The following NALCN variants were observed in gnomAD, a reference collection of about 807,000 sequenced individuals.
NALCN encodes the protein sodium leak channel, non-selective.
A neutral mutation model predicts 225.3 loss-of-function variants in NALCN; 111 were observed. That is an observed-to-expected ratio of 0.49 (90% CI 0.42 to 0.58). The LOEUF (loss-of-function observed/expected upper bound fraction) is 0.58, where lower values mean the gene tolerates loss of function less well. Among genes scored for constraint, NALCN ranks in the 20% least tolerant of loss-of-function variants. The pLI, the probability that NALCN is intolerant of heterozygous loss-of-function variation, is 0.00. For missense variants in NALCN, 1,378 were observed against 2,202.4 expected (o/e 0.63, Z 7.49); for synonymous variants, 764 against 769.0 (o/e 0.99, Z 0.11).
At chr13:101,163,180 G>C (rs978326341) in intron 15 of NALCN, among the ~76,000 whole-genome samples, 5 of 151,952 alleles carry the variant, frequency 3.3e-5, no homozygotes, top group Non-Finnish European at 7.4e-5. Context: ...TGGGATTACA[G>C]GTGTGAGTCA....
chr13:101,407,639 C>T (rs572306227), intron 1 of NALCN, among the ~76,000 whole-genome samples: 1 of 152,196 alleles, frequency 6.6e-6, no homozygotes, highest in South Asian at 2.1e-4. Context: ...AGTATTATTC[C>T]CACTACAGAG....
intron 15 of NALCN, among the ~76,000 whole-genome samples, chr13:101,155,301 G>A (rs140537489): frequency 1.5e-4 from 23 of 152,226 alleles, no homozygotes; most frequent in African/African-American, 4.3e-4. Context: ...AATGACTTTC[G>A]TCTGATCCAG....
chr13:101,364,308 C>T (rs565458742), intron 6 of NALCN, among the ~76,000 whole-genome samples: 14 of 152,142 alleles, frequency 9.2e-5, no homozygotes, highest in Admixed American at 6.6e-4. Context: ...TAGCCAAATA[C>T]GGAATCAACC....
chr13:101,065,628 G>T, intron 39 of NALCN, 67 bp from the exon 40 acceptor site: 1 of 1,204,990 alleles, frequency 8.3e-7, no homozygotes, highest in Non-Finnish European at 1.1e-6. Context: ...TTTCTCAAAA[G>T]AAAAAAAAAA....
intron 1 of NALCN, among the ~76,000 whole-genome samples, chr13:101,406,106 G>A (rs1290651629): frequency 6.7e-6 from 1 of 150,096 alleles, no homozygotes; most frequent in East Asian, 2.0e-4. Flanking sequence ...CTTGAGTCCA[G>A]GAGTTCGAGA....
In NALCN at chr13:101,062,097, C is replaced by T. The variant is rs1027199527; in HGVS notation, c.4626G>A (p.Val1542=). 1 of 1,614,098 alleles carries T rather than the reference C, an allele frequency of 6.2e-7. No individual in the cohort carries two copies. Among genetic ancestry groups the T allele is most frequent in the Admixed American group, 1.7e-5 (1 of 60,012 alleles). The part of the protein sequence containing the change: ...DVLSMLSYRS[V]DIRKSLQLEE... ...CCAGCTGCAAGCTCTTCCGGATGTC[C>T]ACGGACCGGTATGAAAGCATGCTGG... The change falls in exon 41 of 44, where the codon GTG becomes GTA. Residue 1542 remains valine (V), a synonymous_variant. Coordinates refer to ENST00000251127, the MANE Select transcript of NALCN (RefSeq NM_052867.4).
In NALCN at chr13:101,176,383, T is replaced by A. The variant is rs1404314115; in HGVS notation, c.1765-9A>T. ...AACAAACTCAGGAGGATCTATAAAA[T>A]GGTGAAATAACAATGAAAAAACCCA... is the stretch of plus-strand genomic sequence containing the variant. On this transcript the variant is annotated splice_polypyrimidine_tract_variant and intron_variant, in intron 14 of 43. Coordinates refer to ENST00000251127, the MANE Select transcript of NALCN (RefSeq NM_052867.4). 1.3e-6 allele frequency: 2 copies of A among 1,585,676 alleles called. No homozygotes were observed.
At chr13:101,112,427 A>T (rs947432566) in intron 18 of NALCN, among the ~76,000 whole-genome samples, 2 of 152,216 alleles carry the variant, frequency 1.3e-5, no homozygotes, top group African/African-American at 4.8e-5. Flanking sequence ...AGAAAAAAAA[A>T]TTATTCTCCA....
At chr13:101,379,893 C>T (rs2046801622) in intron 3 of NALCN, among the ~76,000 whole-genome samples, 1 of 152,072 alleles carries the variant, frequency 6.6e-6, no homozygotes, top group Non-Finnish European at 1.5e-5. Context: ...GCACTTTACA[C>T]AGGAACACCC....
intron 13 of NALCN, among the ~76,000 whole-genome samples, chr13:101,223,638 T>C (rs2041030916): frequency 6.6e-6 from 1 of 152,052 alleles, no homozygotes; most frequent in Non-Finnish European, 1.5e-5. Context: ...GTTGAAAAAA[T>C]GAATGGCATT....
At chr13:101,254,187 A>G (rs1382778727) in intron 11 of NALCN, among the ~76,000 whole-genome samples, 1 of 151,968 alleles carries the variant, frequency 6.6e-6, no homozygotes, top group Non-Finnish European at 1.5e-5. Flanking sequence ...GTTTGAGACC[A>G]GCCTGGCTAA....
rs75748673 is a variant in NALCN, at chr13:101,072,482, T to G, written c.4197+1102A>C. Among the ~76,000 whole-genome samples, 331 of 152,368 alleles carry G rather than the reference T, an allele frequency of 2.2e-3. 8 individuals are homozygous for G. The South Asian group carries it at 0.037, about 17-fold the overall frequency. On this transcript the variant is annotated intron_variant, in intron 37 of 43. Coordinates refer to ENST00000251127, the MANE Select transcript of NALCN (RefSeq NM_052867.4). The stretch of plus-strand genomic sequence containing the variant: ...AAAATGCCGACACCTCTGAGAGAAC[T>G]TTCTGGTTTTTCTCAGCCAGATAAA...
intron 3 of NALCN, among the ~76,000 whole-genome samples, chr13:101,379,336 T>C (rs1048820767): frequency 2.0e-5 from 3 of 152,142 alleles, no homozygotes; most frequent in Admixed American, 6.5e-5. Context: ...GAACCAGAAA[T>C]ACCATTTGAC....
At chr13:101,386,591 A>T (rs928623658) in intron 3 of NALCN, among the ~76,000 whole-genome samples, 10 of 151,848 alleles carry the variant, frequency 6.6e-5, no homozygotes, top group African/African-American at 2.4e-4. Context: ...CATATTTTAT[A>T]TTTATATTTA....
chr13:101,061,910 C>A lies in NALCN; in HGVS notation c.4755+58G>T, dbSNP rs190338308. On this transcript the variant is annotated intron_variant, in intron 41 of 43. Transcript: ENST00000251127. The stretch of plus-strand genomic sequence containing the variant: ...CACGAAGCTCTTTTCTTTCATCCTC[C>A]TGCGGGGCAGGGCGGGGCGGGGCGG... 4.0e-6 allele frequency: 6 copies of A among 1,497,554 alleles called. No homozygotes were observed. The African/African-American group carries it at 8.4e-5, about 21-fold the overall frequency. The allele number at this position is 1,497,554 out of a possible 1,614,324, so 92.8% of individuals were successfully genotyped here.
At chr13:101,350,002 C>T (rs1216493906) in intron 6 of NALCN, among the ~76,000 whole-genome samples, 2 of 152,158 alleles carry the variant, frequency 1.3e-5, no homozygotes. Flanking sequence ...CATAAGTAAT[C>T]GTCACGTTCT....
intron 13 of NALCN, among the ~76,000 whole-genome samples, chr13:101,222,098 A>C (rs529276786): frequency 1.3e-5 from 2 of 152,244 alleles, no homozygotes; most frequent in South Asian, 4.2e-4. Flanking sequence ...CCCTTGGACT[A>C]TTAGCCCAAC....
chr13:101,361,812 T>G (rs1416456492), intron 6 of NALCN, among the ~76,000 whole-genome samples: 1 of 152,164 alleles, frequency 6.6e-6, no homozygotes, highest in African/African-American at 2.4e-5. Flanking sequence ...ATCTTCTTTT[T>G]GGGAAGTAAA....
intron 3 of NALCN, among the ~76,000 whole-genome samples, chr13:101,390,425 A>G (rs2047112189): frequency 6.6e-6 from 1 of 152,122 alleles, no homozygotes; most frequent in East Asian, 1.9e-4. Context: ...ATAAAAACAG[A>G]GGGAAATACA....
Sources: gnomAD v4.1 joint callset for allele counts (sites outside exome capture counted in the v4.1 genomes callset) on GRCh38, gnomAD v4.1.1 for gene constraint, MANE v1.5 for transcripts, NCBI Gene and HGNC (gene_info 2026-07-23, HGNC 2026-07-21) for gene names.